CMIP: variants seen among roughly 807,000 people sequenced by gnomAD.
CMIP encodes the protein c-Maf inducing protein.
CMIP carries 13 observed loss-of-function variants against 97.3 expected under a neutral mutation model. The observed-to-expected ratio is 0.13, with a 90% CI of 0.09 to 0.21. The LOEUF (loss-of-function observed/expected upper bound fraction) is 0.21, where lower values mean the gene tolerates loss of function less well. Among genes scored for constraint, CMIP ranks in the 10% least tolerant of loss-of-function variants. The pLI is 1.00. For synonymous variants in CMIP, 538 were observed against 436.3 expected (o/e 1.23, Z -2.91); for missense variants, 847 against 1,024.9 (o/e 0.83, Z 2.37).
At chr16:81,472,671 A>G (rs1294547264) in intron 1 of CMIP, among the ~76,000 whole-genome samples, 1 of 152,158 alleles carries the variant, frequency 6.6e-6, no homozygotes, top group African/African-American at 2.4e-5. Context: ...AGGACAGTAG[A>G]GGGGCAGGGT....
At chr16:81,608,492 T>C (rs1246375830) in intron 2 of CMIP, among the ~76,000 whole-genome samples, 1 of 152,156 alleles carries the variant, frequency 6.6e-6, no homozygotes, top group Non-Finnish European at 1.5e-5. Context: ...AGCGCCCTTT[T>C]TCTTTCCAGT....
intron 3 of CMIP, among the ~76,000 whole-genome samples, chr16:81,632,299 C>T (rs1372917103): frequency 6.6e-6 from 1 of 152,234 alleles, no homozygotes; most frequent in Non-Finnish European, 1.5e-5. Flanking sequence ...TTGGCCTCTA[C>T]TCCTTCAAGT....
At chr16:81,707,832 T>A (rs1908317382) in intron 20 of CMIP, among the ~76,000 whole-genome samples, 1 of 152,068 alleles carries the variant, frequency 6.6e-6, no homozygotes, top group Admixed American at 6.5e-5. Context: ...GCCAGCATCC[T>A]GGGAGAGAAG....
chr16:81,637,798 C>G (rs2092255331), intron 3 of CMIP, among the ~76,000 whole-genome samples: 1 of 152,162 alleles, frequency 6.6e-6, no homozygotes, highest in Non-Finnish European at 1.5e-5. Flanking sequence ...GCCAGCCTCC[C>G]TGGCGCAACA....
At chr16:81,474,299 T>C (rs1253365884) in intron 1 of CMIP, among the ~76,000 whole-genome samples, 1 of 152,016 alleles carries the variant, frequency 6.6e-6, no homozygotes, top group Non-Finnish European at 1.5e-5. Context: ...CCTCCCTCCC[T>C]CTCTCCCTAC....
At chr16:81,544,528 T>C (rs1363146160) in intron 1 of CMIP, among the ~76,000 whole-genome samples, 6 of 152,060 alleles carry the variant, frequency 3.9e-5, no homozygotes, top group African/African-American at 1.4e-4. Flanking sequence ...TGTGTGGCTC[T>C]CAGGCCACCT....
At chr16:81,556,450 C>T (rs959698030) in intron 1 of CMIP, among the ~76,000 whole-genome samples, 10 of 152,118 alleles carry the variant, frequency 6.6e-5, no homozygotes, top group South Asian at 2.1e-4. Flanking sequence ...CTTTTATATT[C>T]GCGCCAACAA....
At chr16:81,707,165 G>T in intron 20 of CMIP, 81 bp downstream of exon 20, 1 of 1,153,404 alleles carries the variant, frequency 8.7e-7, no homozygotes, top group Non-Finnish European at 1.3e-6. Flanking sequence ...CCTGCACAGA[G>T]CTCGTTCTCC....
intron 1 of CMIP, among the ~76,000 whole-genome samples, chr16:81,499,921 C>G (rs1287109770): frequency 6.6e-6 from 1 of 152,254 alleles, no homozygotes; most frequent in Non-Finnish European, 1.5e-5. Flanking sequence ...ACTCCTCTGC[C>G]CTTGCCTTCC....
intron 1 of CMIP, among the ~76,000 whole-genome samples, chr16:81,465,692 C>T (rs8060726): frequency 1.3e-5 from 2 of 152,098 alleles, no homozygotes; most frequent in African/African-American, 2.4e-5. Flanking sequence ...CTCTCTGGCT[C>T]GACCATTTCG....
At chr16:81,503,143 G>T (rs1265369461) in intron 1 of CMIP, among the ~76,000 whole-genome samples, 2 of 152,166 alleles carry the variant, frequency 1.3e-5, no homozygotes, top group Admixed American at 6.5e-5. Flanking sequence ...AGTTTGTTCT[G>T]ATTTGCCCAA....
At chr16:81,476,504 C>T (rs955032574) in intron 1 of CMIP, 15 of 703,406 alleles carry the variant, frequency 2.1e-5, no homozygotes, top group Non-Finnish European at 3.7e-5. Context: ...TCAGAGAACA[C>T]AGTGGGGTTG....
At chr16:81,705,261 C>G (rs917326221) in intron 18 of CMIP, among the ~76,000 whole-genome samples, 5 of 152,232 alleles carry the variant, frequency 3.3e-5, no homozygotes, top group Non-Finnish European at 7.4e-5. Context: ...GCAAAACTGA[C>G]TCCAAGGGGG....
intron 1 of CMIP, among the ~76,000 whole-genome samples, chr16:81,600,328 A>G (rs150806440): frequency 1.3e-5 from 2 of 152,190 alleles, no homozygotes; most frequent in African/African-American, 4.8e-5. Flanking sequence ...ACTATAGTCA[A>G]AAGATAGAGA....
At chr16:81,547,375 AC>A (rs758460629) in intron 1 of CMIP, among the ~76,000 whole-genome samples, 5 of 151,552 alleles carry the variant, frequency 3.3e-5, no homozygotes, top group African/African-American at 4.9e-5. Flanking sequence ...CTGCAGAAAG[AC>A]CCCCGCTCCA....
chr16:81,469,916 C>G (rs145816954), intron 1 of CMIP, among the ~76,000 whole-genome samples: 1 of 152,180 alleles, frequency 6.6e-6, no homozygotes, highest in Non-Finnish European at 1.5e-5. Context: ...TGGGGTCCTC[C>G]TGTCTGCTGC....
rs768285538 is a variant in CMIP, at chr16:81,678,294, C to G, written c.1054C>G (p.Leu352Val). ...CCCCAGCCGCGACAATTCCCCAAGC[C>G]TGAAGGAAATCCGGAACGGCTGCCA... ...FINSRDNSPS[L>V]KEIRNGCQQP... The change falls in exon 10 of 21, where the codon CTG becomes GTG. Residue 352 changes from leucine to valine, a missense_variant. Leu to Val is a conservative substitution (Grantham distance 32). Around this residue, in one of 4 missense-constraint regions of CMIP, gnomAD observed 285 missense variants for 392.2 expected, o/e 0.73. Coordinates refer to ENST00000537098, the MANE Select transcript of CMIP (RefSeq NM_198390.3). The G allele has an allele frequency of 6.2e-7, 1 of 1,602,976 alleles. No homozygotes were observed. The highest frequency in any genetic ancestry group is 8.5e-7 in the Non-Finnish European group (1 of 1,175,230).
chr16:81,693,100 A>G (rs368472549), intron 11 of CMIP, 58 bp from the exon 12 acceptor site: 14 of 1,374,794 alleles, frequency 1.0e-5, no homozygotes, highest in Non-Finnish European at 1.2e-5. Context: ...TCTTGGGAAC[A>G]TTGTGCTGTT....
At chr16:81,607,740 T>G in intron 2 of CMIP, 48 bp downstream of exon 2, 1 of 1,597,548 alleles carries the variant, frequency 6.3e-7, no homozygotes, top group East Asian at 2.2e-5. Flanking sequence ...CTCATCTTCA[T>G]GCACTTGTGC....
Sources: gnomAD v4.1 joint callset for allele counts (sites outside exome capture counted in the v4.1 genomes callset) on GRCh38, gnomAD v4.1.1 for gene constraint, gnomAD v4.1.1 regional missense constraint, MANE v1.5 for transcripts, NCBI Gene and HGNC (gene_info 2026-07-23, HGNC 2026-07-21) for gene names.